Variants in EGFR observed in about 807,000 individuals in gnomAD.
EGFR encodes the protein avian erythroblastic leukemia viral (v-erb-b) oncogene homolog.
A neutral mutation model predicts 143.0 loss-of-function variants in EGFR; 58 were observed. The observed-to-expected ratio is 0.41, with a 90% CI of 0.33 to 0.50. EGFR has a LOEUF of 0.50. EGFR is among the 20% of genes least tolerant of loss of function. EGFR has a pLI of 0.39. For synonymous variants in EGFR, 613 were observed against 594.4 expected, an observed-to-expected ratio of 1.03 and a Z score of -0.45; for missense variants, 1,307 against 1,579.0, an observed-to-expected ratio of 0.83 and a Z score of 2.92.
intron 4 of EGFR, 107 bp downstream of exon 4, chr7:55,146,847 A>C: frequency 6.7e-7 from 1 of 1,488,228 alleles, no homozygotes; most frequent in Non-Finnish European, 9.2e-7. Flanking sequence ...CATTAATCAG[A>C]AACAAAAAGT....
At chr7:55,162,812 A>G (rs1785774405) in intron 13 of EGFR, among the ~76,000 whole-genome samples, 1 of 152,068 alleles carries the variant, frequency 6.6e-6, no homozygotes, top group South Asian at 2.1e-4. Context: ...GTTTTTTGAG[A>G]CAGAGTCTCA....
rs147430935 is a variant in EGFR at position 55,094,537 on chromosome 7, G to A, written c.89-47749G>A. On this transcript the variant is annotated intron_variant, in intron 1 of 27. Coordinates refer to ENST00000275493, the MANE Select transcript of EGFR (RefSeq NM_005228.5). The stretch of plus-strand genomic sequence containing the variant: ...GGAGATTACAGGTGACCTCAGAGGA[G>A]GGAGTGAGAACATCTGGGTCATGGG... Among the ~76,000 whole-genome samples, 654 of 152,346 alleles carry A rather than the reference G, an allele frequency of 4.3e-3. 7 individuals carry two copies. The highest frequency in any genetic ancestry group is 0.015 in the African/African-American group (619 of 41,588).
chr7:55,027,510 T>G (rs1786962156), intron 1 of EGFR, among the ~76,000 whole-genome samples: 1 of 152,198 alleles, frequency 6.6e-6, no homozygotes, highest in Non-Finnish European at 1.5e-5. Context: ...AAAGATAAAG[T>G]GCAACACATT....
At chr7:55,119,231 C>A (rs1793054496) in intron 1 of EGFR, 1 of 152,226 alleles carries the variant, frequency 6.6e-6, no homozygotes, top group African/African-American at 2.4e-5. Flanking sequence ...TTTCTCCATA[C>A]ACAGTGTCTA....
intron 1 of EGFR, among the ~76,000 whole-genome samples, chr7:55,035,868 C>T (rs1787535003): frequency 6.6e-6 from 1 of 152,020 alleles, no homozygotes; most frequent in African/African-American, 2.4e-5. Context: ...TATCCCCCTT[C>T]CCCCAACCTC....
At chr7:55,172,222 G>A (rs534346861) in intron 16 of EGFR, among the ~76,000 whole-genome samples, 14 of 152,170 alleles carry the variant, frequency 9.2e-5, no homozygotes, top group Admixed American at 2.6e-4. Context: ...CTGTTCACCC[G>A]CCCTTACTCT....
chr7:55,151,129 A>C (rs1785128037), intron 4 of EGFR, among the ~76,000 whole-genome samples, 165 bp from the exon 5 acceptor site: 1 of 152,230 alleles, frequency 6.6e-6, no homozygotes, highest in East Asian at 1.9e-4. Context: ...TTCTTTTCTT[A>C]TCGGGGTCTC....
intron 1 of EGFR, among the ~76,000 whole-genome samples, chr7:55,096,702 C>A (rs1271621469): frequency 2.0e-5 from 3 of 152,164 alleles, no homozygotes; most frequent in Non-Finnish European, 4.4e-5. Context: ...GTTGGTCCCA[C>A]TGAAAAGAAA....
chr7:55,091,858 ACAC>A (rs1791138710), intron 1 of EGFR, among the ~76,000 whole-genome samples: 1 of 145,036 alleles, frequency 6.9e-6, no homozygotes, highest in Non-Finnish European at 1.5e-5. Context: ...ACACACACAC[ACAC>A]ACACACACAC....
intron 1 of EGFR, among the ~76,000 whole-genome samples, chr7:55,122,571 T>C (rs577921031): frequency 6.6e-6 from 1 of 152,364 alleles, no homozygotes; most frequent in Non-Finnish European, 1.5e-5. Flanking sequence ...GCATGGGATC[T>C]TCACTCTCTC....
chr7:55,125,829 G>A (rs1367775066), intron 1 of EGFR, among the ~76,000 whole-genome samples: 1 of 152,154 alleles, frequency 6.6e-6, no homozygotes, highest in Non-Finnish European at 1.5e-5. Flanking sequence ...AAAAGCAGAG[G>A]CATTCTTAAA....
chr7:55,184,094 G>C (rs895852728), intron 20 of EGFR, among the ~76,000 whole-genome samples: 1 of 152,252 alleles, frequency 6.6e-6, no homozygotes, highest in African/African-American at 2.4e-5. Context: ...GTGAACGGGG[G>C]CACGTTGCTG....
At chr7:55,119,783 A>G (rs1322329233) in intron 1 of EGFR, among the ~76,000 whole-genome samples, 1 of 152,162 alleles carries the variant, frequency 6.6e-6, no homozygotes, top group African/African-American at 2.4e-5. Context: ...GTGTCTTGAA[A>G]GGTCCTTCTA....
At chr7:55,068,073 CGTGTGTGTGTGTGCACAGGTGTGTAT>C (rs1789618045) in intron 1 of EGFR, among the ~76,000 whole-genome samples, 1 of 149,080 alleles carries the variant, frequency 6.7e-6, no homozygotes, top group Non-Finnish European at 1.5e-5. Context: ...CGTGTGCATA[CGTGTGTGTGTGTGCACAGGTGTGTAT>C]GTGTGTGCCT....
intron 1 of EGFR, among the ~76,000 whole-genome samples, chr7:55,061,649 TGAGAGAGAGA>T (rs1174312198): frequency 7.5e-6 from 1 of 132,736 alleles, no homozygotes; most frequent in African/African-American, 3.0e-5. Context: ...TGTGTGTGTG[TGAGAGAGAGA>T]GAGAGAGAGA....
At position 55,205,524 on chromosome 7, in the gene EGFR, A is replaced by C; in HGVS notation, c.3540A>C (p.Glu1180Asp). 1.9e-6 allele frequency: 3 copies of C among 1,614,212 alleles called. No individual in the cohort carries two copies. The highest frequency in any genetic ancestry group is 2.5e-6 in the Non-Finnish European group (3 of 1,180,038). The change falls in exon 28 of 28, where the codon GAA becomes GAC. Residue 1180 changes from glutamate to aspartate, a missense_variant. Around this residue, in one of 7 missense-constraint regions of EGFR, gnomAD observed 313 missense variants for 312.3 expected, o/e 1.00. Coordinates refer to ENST00000275493, the MANE Select transcript of EGFR (RefSeq NM_005228.5). ...PDYQQDFFPK[E>D]AKPNGIFKGS... ...ACCAGCAGGACTTCTTTCCCAAGGAAGCCAAGCCAAATGGCATCTTTAAGG... is the reference window on the plus strand; with the variant it reads ...ACCAGCAGGACTTCTTTCCCAAGGACGCCAAGCCAAATGGCATCTTTAAGG...
intron 10 of EGFR, among the ~76,000 whole-genome samples, chr7:55,157,127 G>A (rs1021757747): frequency 2.6e-5 from 4 of 152,206 alleles, no homozygotes; most frequent in African/African-American, 9.6e-5. Context: ...AGGGGACAGG[G>A]GTAGGTGACA....
At chr7:55,080,797 C>G (rs1393418598) in intron 1 of EGFR, among the ~76,000 whole-genome samples, 1 of 152,044 alleles carries the variant, frequency 6.6e-6, no homozygotes, top group Non-Finnish European at 1.5e-5. Context: ...TGTTGTATAC[C>G]ATAAATATAT....
At chr7:55,100,498 G>A (rs935750981) in intron 1 of EGFR, among the ~76,000 whole-genome samples, 1 of 152,246 alleles carries the variant, frequency 6.6e-6, no homozygotes, top group African/African-American at 2.4e-5. Flanking sequence ...AATGTCTGCA[G>A]GAAATTCTTC....
Sources: gnomAD v4.1 joint callset for allele counts (sites outside exome capture counted in the v4.1 genomes callset) on GRCh38, gnomAD v4.1.1 for gene constraint, gnomAD v4.1.1 regional missense constraint, MANE v1.5 for transcripts, NCBI Gene and HGNC (gene_info 2026-07-23, HGNC 2026-07-21) for gene names.